PIGU: variants seen among roughly 807,000 people sequenced by gnomAD.
PIGU encodes GPI-anchor transamidase component PIGU.
A neutral mutation model predicts 49.9 loss-of-function variants in PIGU; 24 were observed. The ratio of observed to expected loss-of-function variants is 0.48; its 90% CI spans 0.35 to 0.68. The LOEUF (loss-of-function observed/expected upper bound fraction) is 0.68, where lower values mean the gene tolerates loss of function less well. Ranked by LOEUF, PIGU falls within the 30% of genes least tolerant of loss-of-function variation. PIGU has a pLI of 0.01. For synonymous variants in PIGU, 220 were observed against 205.7 expected, an observed-to-expected ratio of 1.07 and a Z score of -0.59; for missense variants, 490 against 532.6, an observed-to-expected ratio of 0.92 and a Z score of 0.79.
At chr20:34,623,277 G>A (rs527528736) in intron 6 of PIGU, among the ~76,000 whole-genome samples, 1 of 152,310 alleles carries the variant, frequency 6.6e-6, no homozygotes, top group South Asian at 2.1e-4. Flanking sequence ...CTGCCCAGGA[G>A]GAGGAGGAGA....
chr20:34,612,716 G>A (rs986563492), intron 7 of PIGU, among the ~76,000 whole-genome samples: 2 of 150,470 alleles, frequency 1.3e-5, no homozygotes, highest in African/African-American at 4.9e-5. Context: ...TCTGCCTCTC[G>A]GGTTCAAGCA....
chr20:34,661,626 TTCA>T (rs1986929690), intron 1 of PIGU, among the ~76,000 whole-genome samples: 1 of 152,230 alleles, frequency 6.6e-6, no homozygotes, highest in South Asian at 2.1e-4. Flanking sequence ...CTGATGGGCA[TTCA>T]GGTTAATTCC....
intron 8 of PIGU, among the ~76,000 whole-genome samples, chr20:34,586,872 A>G (rs1041787663): frequency 3.0e-4 from 46 of 152,246 alleles, no homozygotes; most frequent in Admixed American, 2.9e-3. Flanking sequence ...AGAGGCTGGT[A>G]TTTGCTTTGG....
At chr20:34,646,704 C>T (rs1788777348) in intron 2 of PIGU, among the ~76,000 whole-genome samples, 1 of 152,158 alleles carries the variant, frequency 6.6e-6, no homozygotes, top group African/African-American at 2.4e-5. Flanking sequence ...CCACTGTGCC[C>T]AGCCATTTTC....
At chr20:34,585,173 C>A (rs182897180) in intron 9 of PIGU, among the ~76,000 whole-genome samples, 2 of 152,222 alleles carry the variant, frequency 1.3e-5, no homozygotes, top group Admixed American at 1.3e-4. Flanking sequence ...ATGGGCTCAG[C>A]AGCAATGTGG....
chr20:34,653,727 G>A (rs1986615362), intron 2 of PIGU, among the ~76,000 whole-genome samples: 1 of 152,076 alleles, frequency 6.6e-6, no homozygotes, highest in Non-Finnish European at 1.5e-5. Context: ...GATAAGAAGG[G>A]GACAGCACCT....
Position 34,588,827 on chromosome 20 carries a change from C to T in PIGU, c.628-220G>A, listed in dbSNP as rs188574320. 1.1e-4 allele frequency among the ~76,000 whole-genome samples: 16 copies of T among 152,194 alleles called. No individual in the cohort carries two copies. In the East Asian group the frequency reaches 2.9e-3, roughly 27 times the overall value. On this transcript the variant is annotated intron_variant, in intron 7 of 11. Coordinates refer to ENST00000217446, the MANE Select transcript of PIGU (RefSeq NM_080476.5). ...AGTAACACCATTTCTAGGTATGTAT[C>T]CTGGAGACAAGTTGCAGAAGATACA...
At chr20:34,592,296 C>T (rs531939176) in intron 7 of PIGU, among the ~76,000 whole-genome samples, 277 of 147,676 alleles carry the variant, frequency 1.9e-3, no homozygotes, top group African/African-American at 6.5e-3. Context: ...ACAGAATAAA[C>T]CCCAAAAGAA....
At chr20:34,564,323 C>T (rs976887623) in intron 11 of PIGU, among the ~76,000 whole-genome samples, 1 of 152,204 alleles carries the variant, frequency 6.6e-6, no homozygotes, top group African/African-American at 2.4e-5. Context: ...TCTATCTCTG[C>T]AACTTTTCTA....
At chr20:34,631,420 CT>C (rs1985704398) in intron 6 of PIGU, among the ~76,000 whole-genome samples, 1 of 151,872 alleles carries the variant, frequency 6.6e-6, no homozygotes, top group Non-Finnish European at 1.5e-5. Flanking sequence ...CCCTCTAGAA[CT>C]AAAGACACTA....
intron 2 of PIGU, among the ~76,000 whole-genome samples, chr20:34,649,528 T>TC (rs1217180337): frequency 6.6e-6 from 1 of 151,942 alleles, no homozygotes; most frequent in Admixed American, 6.6e-5. Context: ...TATACATTTT[T>TC]TTTTTTTTTT....
rs556708688 is a variant in PIGU, at chr20:34,613,618, T to C, written c.627+2424A>G. Among the ~76,000 whole-genome samples the C allele has an allele frequency of 2.0e-5, 3 of 152,346 alleles. No homozygotes were observed. In the East Asian group the frequency reaches 5.8e-4, roughly 29 times the overall value. ...CTATATTATTTATTTGATACATAGT[T>C]GTATAAAAAGTCTGGCTATATATAT... On this transcript the variant is annotated intron_variant, in intron 7 of 11. Coordinates refer to ENST00000217446, the MANE Select transcript of PIGU (RefSeq NM_080476.5).
intron 7 of PIGU, among the ~76,000 whole-genome samples, chr20:34,606,357 T>C (rs1348011239): frequency 2.0e-5 from 3 of 152,208 alleles, no homozygotes; most frequent in South Asian, 2.1e-4. Flanking sequence ...GCTGTTTTTT[T>C]CAACCCAAAA....
In PIGU at chr20:34,614,415, G is replaced by A. The variant is rs552206541; in HGVS notation, c.627+1627C>T. Reference sequence around the variant, plus strand: ...CAAAGTGGGTGGGTGGATGGATTGCGTGAACCCAAGAATTCGAGACCAGTC... The same window carrying A: ...CAAAGTGGGTGGGTGGATGGATTGCATGAACCCAAGAATTCGAGACCAGTC... On this transcript the variant is annotated intron_variant, in intron 7 of 11. Transcript: ENST00000217446. 7.8e-4 allele frequency among the ~76,000 whole-genome samples: 119 copies of A among 152,002 alleles called. 1 individual carries two copies. The highest frequency in any genetic ancestry group is 3.1e-3 in the South Asian group (15 of 4,818).
At chr20:34,607,546 C>G (rs1984663111) in intron 7 of PIGU, among the ~76,000 whole-genome samples, 1 of 152,184 alleles carries the variant, frequency 6.6e-6, no homozygotes, top group Non-Finnish European at 1.5e-5. Context: ...CATTGACAGC[C>G]ACTTTCATCA....
Position 34,656,280 on chromosome 20 carries a change from A to ATTT in PIGU, c.195+897_195+899dup, listed in dbSNP as rs752461467. ...AGCCACCGCGCCTGGCCTGTTTATA[A>ATTT]TTTTTTTTTTTTTTTTTTTTGAGAC... On this transcript the variant is annotated intron_variant, in intron 2 of 11. Coordinates refer to ENST00000217446, the MANE Select transcript of PIGU (RefSeq NM_080476.5). Among the ~76,000 whole-genome samples the ATTT allele has an allele frequency of 3.9e-4, 17 of 43,212 alleles. 3 individuals carry two copies. The highest frequency in any genetic ancestry group is 1.3e-3 in the African/African-American group (15 of 11,416). The allele number at this position is 43,212 out of a possible 152,430, so 28.3% of individuals were successfully genotyped here.
intron 11 of PIGU, among the ~76,000 whole-genome samples, chr20:34,574,416 T>A (rs946825636): frequency 6.6e-6 from 1 of 152,206 alleles, no homozygotes; most frequent in African/African-American, 2.4e-5. Flanking sequence ...GGAATCTGCA[T>A]TTTTAACAAG....
intron 4 of PIGU, among the ~76,000 whole-genome samples, chr20:34,642,698 A>ATG: frequency 7.1e-6 from 1 of 141,354 alleles, no homozygotes; most frequent in East Asian, 2.0e-4. Context: ...TATCTCATAT[A>ATG]TATATATATA....
chr20:34,587,621 T>C (rs1188144249), intron 8 of PIGU, among the ~76,000 whole-genome samples: 2 of 152,214 alleles, frequency 1.3e-5, no homozygotes, highest in African/African-American at 4.8e-5. Flanking sequence ...CCTGAGATTT[T>C]GTACCCCTTT....
Sources: gnomAD v4.1 joint callset for allele counts (sites outside exome capture counted in the v4.1 genomes callset) on GRCh38, gnomAD v4.1.1 for gene constraint, MANE v1.5 for transcripts, NCBI Gene and HGNC (gene_info 2026-07-23, HGNC 2026-07-21) for gene names.